CACNB4: variants seen among roughly 807,000 people sequenced by gnomAD.
CACNB4 encodes the protein voltage-dependent L-type calcium channel subunit beta-4.
Under a neutral mutation model 71.2 loss-of-function variants are expected in CACNB4, and 32 were observed. The observed-to-expected ratio is 0.45, with a 90% CI of 0.34 to 0.60. The LOEUF is 0.60. Among genes scored for constraint, CACNB4 ranks in the 20% least tolerant of loss-of-function variants. CACNB4 has a pLI of 0.01. For missense variants in CACNB4, 464 were observed against 647.9 expected (o/e 0.72, Z 3.08); for synonymous variants, 231 against 236.9 (o/e 0.97, Z 0.23).
At chr2:152,076,023 G>C (rs188342674) in intron 2 of CACNB4, among the ~76,000 whole-genome samples, 2 of 152,054 alleles carry the variant, frequency 1.3e-5, no homozygotes, top group Admixed American at 6.5e-5. Context: ...AGTGTGTGGG[G>C]TATGCATTTT....
At chr2:151,935,916 C>T (rs895043844) in intron 2 of CACNB4, among the ~76,000 whole-genome samples, 1 of 152,174 alleles carries the variant, frequency 6.6e-6, no homozygotes, top group African/African-American at 2.4e-5. Flanking sequence ...AAGACTAAAT[C>T]CTTTTGTTAT....
intron 2 of CACNB4, among the ~76,000 whole-genome samples, chr2:151,987,326 G>A (rs907248194): frequency 5.9e-5 from 9 of 152,068 alleles, no homozygotes; most frequent in African/African-American, 2.2e-4. Flanking sequence ...TAGCTCAGTG[G>A]GGGGCAGCAC....
At chr2:151,985,395 T>C (rs1463306804) in intron 2 of CACNB4, among the ~76,000 whole-genome samples, 1 of 152,200 alleles carries the variant, frequency 6.6e-6, no homozygotes, top group Non-Finnish European at 1.5e-5. Context: ...CTCATGTAAA[T>C]AATGCTGGAA....
chr2:151,946,807 T>G (rs1008011362), intron 2 of CACNB4, among the ~76,000 whole-genome samples: 3 of 152,210 alleles, frequency 2.0e-5, no homozygotes, highest in African/African-American at 7.2e-5. Context: ...TCTTATAATT[T>G]CATCAAATTT....
In CACNB4 at chr2:151,954,762, G is replaced by A. The variant is rs549547392; in HGVS notation, c.148-71392C>T. On this transcript the variant is annotated intron_variant, in intron 2 of 13. Transcript: ENST00000539935. Reference sequence around the variant, plus strand: ...TATCTGAATATGTCCTTGCAAATGAGAACAAGAAGAAATAAAGAAACTATG... The same window carrying A: ...TATCTGAATATGTCCTTGCAAATGAAAACAAGAAGAAATAAAGAAACTATG... Among the ~76,000 whole-genome samples, 5 of 148,654 alleles carry A rather than the reference G, an allele frequency of 3.4e-5. No homozygotes were observed. In the South Asian group the frequency reaches 1.1e-3, roughly 32 times the overall value.
intron 2 of CACNB4, among the ~76,000 whole-genome samples, chr2:152,006,423 G>C (rs150638086): frequency 0.019 from 2,570 of 136,922 alleles, 90 homozygotes; most frequent in African/African-American, 0.064. Flanking sequence ...TTTTCTTTGA[G>C]ATGGAGTCTC....
intron 2 of CACNB4, chr2:151,970,153 G>A (rs1206784559): frequency 6.6e-6 from 1 of 152,124 alleles, no homozygotes; most frequent in Admixed American, 6.5e-5. Context: ...GTCCATGTAG[G>A]AGCTTTAAAT....
intron 2 of CACNB4, among the ~76,000 whole-genome samples, chr2:152,050,209 C>T (rs1445182518): frequency 6.6e-6 from 1 of 152,210 alleles, no homozygotes; most frequent in Non-Finnish European, 1.5e-5. Context: ...AGAAAGTTTC[C>T]GGGTTCTCCC....
At chr2:151,947,041 G>T (rs945523211) in intron 2 of CACNB4, among the ~76,000 whole-genome samples, 2 of 152,114 alleles carry the variant, frequency 1.3e-5, no homozygotes, top group African/African-American at 2.4e-5. Flanking sequence ...GACACCAGAT[G>T]AAAAACATTC....
Position 152,098,680 on chromosome 2 carries a change from G to T in CACNB4, c.64-267C>A. ...AAGACTCTCAGGGTGCGGGGTCCGAGTCCCCGGCATCCGCTGGGGGAGGCT... is the reference window on the plus strand; with the variant it reads ...AAGACTCTCAGGGTGCGGGGTCCGATTCCCCGGCATCCGCTGGGGGAGGCT... On this transcript the variant is annotated intron_variant, in intron 1 of 13. Coordinates refer to ENST00000539935, the MANE Select transcript of CACNB4 (RefSeq NM_000726.5). This position sits in a 1 kb window ranked among gnomAD's most constrained non-coding sequence, Gnocchi z 5.3. 2 of 1,567,232 alleles carry T rather than the reference G, an allele frequency of 1.3e-6. No homozygotes were observed. Among genetic ancestry groups the T allele is most frequent in the South Asian group, 2.4e-5 (2 of 85,038 alleles).
chr2:151,851,564 T>G (rs879256810), intron 12 of CACNB4: 7 of 152,220 alleles, frequency 4.6e-5, no homozygotes, highest in Non-Finnish European at 1.0e-4. Context: ...TTTTCTTGAT[T>G]CCAGCTATTT....
intron 2 of CACNB4, among the ~76,000 whole-genome samples, chr2:152,060,696 C>A (rs1429874394): frequency 6.6e-6 from 1 of 152,042 alleles, no homozygotes; most frequent in African/African-American, 2.4e-5. Context: ...TATTGGAAAA[C>A]CAAATCTCCA....
In CACNB4 at chr2:151,871,004, CT is replaced by C. The variant is rs1469663969; in HGVS notation, c.599-144del. On this transcript the variant is annotated intron_variant, in intron 6 of 13. Coordinates refer to ENST00000539935, the MANE Select transcript of CACNB4 (RefSeq NM_000726.5). The stretch of plus-strand genomic sequence containing the variant: ...CTATCGCCCACTTTGGAGAACCTGC[CT>C]TATGATTTCATTCTGGACACGTCAA... 1.4e-5 allele frequency: 9 copies of C among 637,876 alleles called. No individual in the cohort carries two copies. In the African/African-American group the frequency reaches 1.7e-4, roughly 12 times the overall value. 39.5% of individuals were successfully genotyped at this position (637,876 alleles called of 1,614,324 possible). A position where few individuals can be genotyped will look rare whatever the true frequency, so the allele number is the denominator to read the frequency against.
intron 12 of CACNB4, among the ~76,000 whole-genome samples, chr2:151,849,580 TG>T (rs1490694740): frequency 6.6e-6 from 1 of 152,126 alleles, no homozygotes; most frequent in African/African-American, 2.4e-5. Flanking sequence ...CAGCTCTTTG[TG>T]AGTATTTTGA....
intron 6 of CACNB4, chr2:151,872,039 G>T: frequency 3.7e-6 from 1 of 268,188 alleles, no homozygotes; most frequent in Non-Finnish European, 7.1e-6. Context: ...AATTCCACAT[G>T]GAGACTGAAA....
chr2:151,993,070 C>G (rs1347396196), intron 2 of CACNB4, among the ~76,000 whole-genome samples: 1 of 151,698 alleles, frequency 6.6e-6, no homozygotes, highest in African/African-American at 2.4e-5. Flanking sequence ...GCTCTGGTGT[C>G]TTTTTTGGTA....
At chr2:151,924,995 T>A (rs1029954865) in intron 2 of CACNB4, among the ~76,000 whole-genome samples, 5 of 152,232 alleles carry the variant, frequency 3.3e-5, no homozygotes, top group African/African-American at 1.2e-4. Context: ...TCTATTATGA[T>A]ATGGATCATA....
At chr2:152,020,074 T>G (rs16830604) in intron 2 of CACNB4, among the ~76,000 whole-genome samples, 7,347 of 152,288 alleles carry the variant, frequency 0.048, 582 homozygotes, top group African/African-American at 0.17. Flanking sequence ...GCAGCCTATG[T>G]GTACATTCCC....
Position 151,875,916 on chromosome 2 carries a change from G to A in CACNB4, c.521+510C>T, listed in dbSNP as rs1355286660. Reference sequence around the variant, plus strand: ...AGGGGCTCCTCACTTCCCAGTAGGGGCGGCCGGGCAGAGGCACCCCTCACC... The same window carrying A: ...AGGGGCTCCTCACTTCCCAGTAGGGACGGCCGGGCAGAGGCACCCCTCACC... On this transcript the variant is annotated intron_variant, in intron 5 of 13. Coordinates refer to ENST00000539935, the MANE Select transcript of CACNB4 (RefSeq NM_000726.5). Among the ~76,000 whole-genome samples the A allele has an allele frequency of 8.3e-5, 11 of 132,238 alleles. No homozygotes were observed. The South Asian group carries it at 3.1e-3, about 37-fold the overall frequency. The allele number at this position is 132,238 out of a possible 152,430, so 86.8% of individuals were successfully genotyped here.
Sources: gnomAD v4.1 joint callset for allele counts (sites outside exome capture counted in the v4.1 genomes callset) on GRCh38, gnomAD v4.1.1 for gene constraint, Gnocchi (gnomAD v3.1) non-coding constraint, MANE v1.5 for transcripts, NCBI Gene and HGNC (gene_info 2026-07-23, HGNC 2026-07-21) for gene names.